The following PCDHGB2 variants were observed in gnomAD, a reference collection of about 807,000 sequenced individuals.
PCDHGB2 encodes the protein protocadherin gamma-B2.
A neutral mutation model predicts 59.3 loss-of-function variants in PCDHGB2; 55 were observed. The observed-to-expected ratio is 0.93, with a 90% CI of 0.75 to 1.16. The LOEUF (loss-of-function observed/expected upper bound fraction) is 1.16, where lower values mean the gene tolerates loss of function less well. Among genes scored for constraint, PCDHGB2 ranks in the 50% most tolerant of loss-of-function variants. PCDHGB2 has a pLI of 0.00. For missense variants in PCDHGB2, 1,228 were observed against 1,198.5 expected, an observed-to-expected ratio of 1.02 and a Z score of -0.36; for synonymous variants, 516 against 512.0, an observed-to-expected ratio of 1.01 and a Z score of -0.11.
At chr5:141,373,589 G>A (rs1769704620) in intron 1 of PCDHGB2, among the ~76,000 whole-genome samples, 2 of 152,242 alleles carry the variant, frequency 1.3e-5, no homozygotes, top group African/African-American at 2.4e-5. Flanking sequence ...GTGGTGAAAT[G>A]TGATGATAAT....
At chr5:141,374,498 G>A in intron 1 of PCDHGB2, 8 of 1,611,504 alleles carry the variant, frequency 5.0e-6, no homozygotes, top group South Asian at 1.1e-5. Context: ...GGAAGAATTG[G>A]AAGTGAAAAT....
intron 1 of PCDHGB2, chr5:141,415,652 A>AG: frequency 6.3e-7 from 1 of 1,590,778 alleles, no homozygotes; most frequent in African/African-American, 1.4e-5. Flanking sequence ...AAAAAAAAAA[A>AG]GATTGGTTTT....
chr5:141,455,759 A>G (rs1013283124), intron 1 of PCDHGB2, among the ~76,000 whole-genome samples: 4 of 152,300 alleles, frequency 2.6e-5, no homozygotes, highest in South Asian at 4.1e-4. Context: ...CCTGGCTCCT[A>G]GAGCCGGGGC....
intron 1 of PCDHGB2, chr5:141,428,805 C>G (rs1468764398): frequency 6.6e-6 from 1 of 152,108 alleles, no homozygotes; most frequent in African/African-American, 2.4e-5. Flanking sequence ...GGGCCAGTAA[C>G]TTCATTATTA....
At chr5:141,394,705 C>G (rs1245348426) in intron 1 of PCDHGB2, 9 of 1,613,256 alleles carry the variant, frequency 5.6e-6, no homozygotes, top group Non-Finnish European at 7.6e-6. Flanking sequence ...ACGGCGCGAG[C>G]CCTGCTGGAC....
chr5:141,401,888 TTC>T (rs1281227155), intron 1 of PCDHGB2, among the ~76,000 whole-genome samples: 3 of 152,232 alleles, frequency 2.0e-5, no homozygotes, highest in Non-Finnish European at 2.9e-5. Flanking sequence ...ATATTTTGTG[TTC>T]TTTTTCCCAA....
At chr5:141,495,896 CTCTG>C (rs1175207502) in intron 2 of PCDHGB2, among the ~76,000 whole-genome samples, 2 of 152,108 alleles carry the variant, frequency 1.3e-5, no homozygotes, top group Non-Finnish European at 2.9e-5. Flanking sequence ...CTCTCTTTGT[CTCTG>C]TCTCTGTATA....
At position 141,455,354 on chromosome 5, in the gene PCDHGB2, T is replaced by C. The variant is rs185319743; in HGVS notation, c.2422-39453T>C. ...TGGTTTTAAGGAGCGGAGAGTTTAA[T>C]AGGCAAGAAGGAAGGGAGAAGACAG... On this transcript the variant is annotated intron_variant, in intron 1 of 3. Coordinates refer to ENST00000522605, the MANE Select transcript of PCDHGB2 (RefSeq NM_018923.3). Among the ~76,000 whole-genome samples the C allele has an allele frequency of 1.7e-3, 263 of 152,180 alleles. 2 individuals are homozygous for C. The highest frequency in any genetic ancestry group is 3.0e-3 in the Non-Finnish European group (207 of 68,010).
chr5:141,385,520 G>A, intron 1 of PCDHGB2: 1 of 1,359,080 alleles, frequency 7.4e-7, no homozygotes, highest in African/African-American at 1.5e-5. Flanking sequence ...GAAAGCCTAT[G>A]GACAAGATTA....
Position 141,485,739 on chromosome 5 carries a change from G to A in PCDHGB2, c.2422-9068G>A. 6.2e-7 allele frequency: 1 copy of A among 1,614,234 alleles called. No individual in the cohort carries two copies. Among genetic ancestry groups the A allele is most frequent in the Non-Finnish European group, 8.5e-7 (1 of 1,180,042 alleles). ...GATGTGAAGAAGCGCAGCGACGGCA[G>A]CCTGGTCCCAGAGCTGCTCCTGGAG... On this transcript the variant is annotated intron_variant, in intron 1 of 3. Transcript: ENST00000522605. The surrounding 1 kb of genome is among the most constrained non-coding windows in gnomAD (Gnocchi z 5.7).
chr5:141,409,483 G>A, intron 1 of PCDHGB2: 1 of 1,613,944 alleles, frequency 6.2e-7, no homozygotes, highest in Non-Finnish European at 8.5e-7. Context: ...CCACTGACAG[G>A]GGCAAGCCGC....
Position 141,476,013 on chromosome 5 carries a change from G to A in PCDHGB2, c.2422-18794G>A. ...AAATCAACGGCATCCAGAAAGCCAT[G>A]TCGGACTCGGCGCCCAGCGCCCAAG... On this transcript the variant is annotated intron_variant, in intron 1 of 3. Coordinates refer to ENST00000522605, the MANE Select transcript of PCDHGB2 (RefSeq NM_018923.3). The surrounding 1 kb of genome is among the most constrained non-coding windows in gnomAD (Gnocchi z 7.6). The A allele has an allele frequency of 7.5e-7, 1 of 1,334,720 alleles. No individual in the cohort carries two copies. The highest frequency in any genetic ancestry group is 1.0e-6 in the Non-Finnish European group (1 of 983,502). 82.7% of individuals were successfully genotyped at this position (1,334,720 alleles called of 1,614,324 possible). A position where few individuals can be genotyped will look rare whatever the true frequency, so the allele number is the denominator to read the frequency against.
Position 141,489,828 on chromosome 5 carries a change from A to G in PCDHGB2, c.2422-4979A>G. The G allele has an allele frequency of 1.9e-6, 3 of 1,614,010 alleles. No homozygotes were observed. The highest frequency in any genetic ancestry group is 1.1e-5 in the South Asian group (1 of 91,080). ...GGAAGCCATTCCCAGAGCTGGTGCTAGAGCAGCAGCTGGATCGTGAAGCCC... is the reference window on the plus strand; with the variant it reads ...GGAAGCCATTCCCAGAGCTGGTGCTGGAGCAGCAGCTGGATCGTGAAGCCC... On this transcript the variant is annotated intron_variant, in intron 1 of 3. Transcript: ENST00000522605. The surrounding 1 kb of genome is among the most constrained non-coding windows in gnomAD (Gnocchi z 4.5).
chr5:141,480,607 C>T (rs2099522175), intron 1 of PCDHGB2, among the ~76,000 whole-genome samples: 1 of 145,670 alleles, frequency 6.9e-6, no homozygotes, highest in Admixed American at 6.8e-5. Context: ...GCCTGGAAAG[C>T]AACTGGCATT....
chr5:141,491,648 T>G lies in PCDHGB2; in HGVS notation c.2422-3159T>G, dbSNP rs756792762. 1 of 1,613,834 alleles carries G rather than the reference T, an allele frequency of 6.2e-7. No individual in the cohort carries two copies. Among genetic ancestry groups the G allele is most frequent in the Non-Finnish European group, 8.5e-7 (1 of 1,180,002 alleles). On this transcript the variant is annotated intron_variant, in intron 1 of 3. Coordinates refer to ENST00000522605, the MANE Select transcript of PCDHGB2 (RefSeq NM_018923.3). This position sits in a 1 kb window ranked among gnomAD's most constrained non-coding sequence, Gnocchi z 6.9. Reference sequence around the variant, plus strand: ...GTTCAGCAGCCCACAGCTCTGGCGCTGGAGCCTGACGCCATCCGGTCCCGC... The same window carrying G: ...GTTCAGCAGCCCACAGCTCTGGCGCGGGAGCCTGACGCCATCCGGTCCCGC...
intron 1 of PCDHGB2, among the ~76,000 whole-genome samples, chr5:141,382,053 TC>T (rs1158430534): frequency 6.6e-6 from 1 of 151,934 alleles, no homozygotes; most frequent in Non-Finnish European, 1.5e-5. Flanking sequence ...GGTCTCAAGC[TC>T]CCGACCTCAG....
At chr5:141,408,738 C>A in intron 1 of PCDHGB2, 1 of 1,609,632 alleles carries the variant, frequency 6.2e-7, no homozygotes, top group Non-Finnish European at 8.5e-7. Flanking sequence ...CCTTATTTTT[C>A]ATTAATGGTT....
chr5:141,452,002 T>C (rs965343762), intron 1 of PCDHGB2, among the ~76,000 whole-genome samples: 1 of 152,220 alleles, frequency 6.6e-6, no homozygotes, highest in African/African-American at 2.4e-5. Context: ...GCAAAATCAC[T>C]TGGTCCAGCC....
chr5:141,453,870 C>A (rs932804656), intron 1 of PCDHGB2, among the ~76,000 whole-genome samples: 2 of 152,146 alleles, frequency 1.3e-5, no homozygotes, highest in African/African-American at 4.8e-5. Context: ...AACAGATGAG[C>A]AAAATAATGT....
Sources: allele counts gnomAD v4.1 joint callset (sites outside exome capture counted in the v4.1 genomes callset), GRCh38; gene constraint gnomAD v4.1.1; non-coding constraint Gnocchi (gnomAD v3.1); transcripts MANE v1.5; gene names NCBI Gene and HGNC (gene_info 2026-07-23, HGNC 2026-07-21).